TMEM117: variants seen among roughly 807,000 people sequenced by gnomAD.
The protein encoded by TMEM117 is transmembrane protein 117.
A neutral mutation model predicts 52.4 loss-of-function variants in TMEM117; 27 were observed. The observed-to-expected ratio is 0.51, with a 90% CI of 0.38 to 0.71. TMEM117 has a LOEUF of 0.71. Among genes scored for constraint, TMEM117 ranks in the 30% least tolerant of loss-of-function variants. The probability of loss-of-function intolerance (pLI) is 0.00; values close to 1 mark genes in which losing one functional copy is unlikely to be tolerated. For missense variants in TMEM117, 556 were observed against 630.5 expected, an observed-to-expected ratio of 0.88 and a Z score of 1.26; for synonymous variants, 215 against 206.3, an observed-to-expected ratio of 1.04 and a Z score of -0.36.
At chr12:44,357,722 G>C (rs1322371656) in intron 6 of TMEM117, among the ~76,000 whole-genome samples, 1 of 152,106 alleles carries the variant, frequency 6.6e-6, no homozygotes, top group Non-Finnish European at 1.5e-5. Context: ...CTGTTGGTAG[G>C]AATGCAAATG....
chr12:43,862,080 C>T (rs564185117), intron 2 of TMEM117, among the ~76,000 whole-genome samples: 59 of 152,294 alleles, frequency 3.9e-4, no homozygotes, highest in African/African-American at 1.3e-3. Flanking sequence ...ACAGTTGCTT[C>T]GCTGTCTGCT....
intron 4 of TMEM117, among the ~76,000 whole-genome samples, chr12:44,209,321 C>T (rs1339911947): frequency 6.6e-6 from 1 of 151,988 alleles, no homozygotes; most frequent in Admixed American, 6.6e-5. Flanking sequence ...TCCCCTTACT[C>T]CTTTTGATAA....
At chr12:43,919,949 G>T (rs543388247) in intron 2 of TMEM117, among the ~76,000 whole-genome samples, 43 of 151,676 alleles carry the variant, frequency 2.8e-4, no homozygotes, top group African/African-American at 9.0e-4. Context: ...TATATCTCTA[G>T]GTCCAGCATC....
the TMEM117 span, among the ~76,000 whole-genome samples, chr12:43,808,814 A>G: frequency 1.2e-4 from 4 of 33,082 alleles, no homozygotes; most frequent in East Asian, 4.4e-3. Context: ...AAAGGGGAGA[A>G]AAAAAAAAAA....
intron 2 of TMEM117, among the ~76,000 whole-genome samples, chr12:43,934,354 A>G (rs1204302049): frequency 6.6e-6 from 1 of 152,168 alleles, no homozygotes; most frequent in Non-Finnish European, 1.5e-5. Context: ...AAACTTGAGG[A>G]TAGTTTAATG....
chr12:44,102,339 T>C (rs1329699144), intron 3 of TMEM117, among the ~76,000 whole-genome samples: 1 of 151,970 alleles, frequency 6.6e-6, no homozygotes, highest in Admixed American at 6.6e-5. Context: ...TAAAAAGATA[T>C]ATTTTCTTCT....
chr12:44,293,763 C>T (rs1056111134), intron 5 of TMEM117, among the ~76,000 whole-genome samples: 1 of 152,130 alleles, frequency 6.6e-6, no homozygotes, highest in Non-Finnish European at 1.5e-5. Flanking sequence ...ATATCTTTAA[C>T]AAACTAGTGT....
At chr12:44,316,772 ATTAAAATTTTTTTTCT>A (rs2138687035) in intron 6 of TMEM117, among the ~76,000 whole-genome samples, 1 of 152,158 alleles carries the variant, frequency 6.6e-6, no homozygotes, top group East Asian at 1.9e-4. Flanking sequence ...GACTTTGTTC[ATTAAAATTTTTTTTCT>A]TTATTTTAGT....
At chr12:43,824,048 T>C in the TMEM117 span, among the ~76,000 whole-genome samples, 2 of 152,226 alleles carry the variant, frequency 1.3e-5, no homozygotes, top group Non-Finnish European at 2.9e-5. Context: ...TAAAAAATAA[T>C]TAATTAGCTA....
intron 5 of TMEM117, among the ~76,000 whole-genome samples, chr12:44,262,122 G>A (rs997915628): frequency 1.3e-5 from 2 of 152,172 alleles, no homozygotes; most frequent in South Asian, 2.1e-4. Context: ...CAAAAAGTAA[G>A]TCCTGCCTTT....
intron 5 of TMEM117, among the ~76,000 whole-genome samples, chr12:44,293,330 C>T (rs1166209790): frequency 1.3e-5 from 2 of 151,954 alleles, no homozygotes; most frequent in African/African-American, 4.8e-5. Flanking sequence ...AAATGATTCT[C>T]TTATAGGCAG....
At chr12:43,843,541 A>G (rs933102837) in intron 1 of TMEM117, among the ~76,000 whole-genome samples, 6 of 152,212 alleles carry the variant, frequency 3.9e-5, no homozygotes, top group Non-Finnish European at 8.8e-5. Context: ...ATGTACTTCC[A>G]GTGCACATAT....
At chr12:43,910,705 A>T (rs1484098333) in intron 2 of TMEM117, among the ~76,000 whole-genome samples, 3 of 124,476 alleles carry the variant, frequency 2.4e-5, no homozygotes, top group African/African-American at 9.1e-5. Flanking sequence ...CCAACAACAG[A>T]CAAACAGAGA....
At chr12:43,811,352 A>C in the TMEM117 span, among the ~76,000 whole-genome samples, 1 of 152,200 alleles carries the variant, frequency 6.6e-6, no homozygotes. Context: ...GAGGCTATCT[A>C]AATGATGAAA....
At chr12:44,212,420 T>C (rs1227586343) in intron 5 of TMEM117, among the ~76,000 whole-genome samples, 2 of 152,212 alleles carry the variant, frequency 1.3e-5, no homozygotes, top group Non-Finnish European at 2.9e-5. Context: ...AGAGTATTGA[T>C]GCTGGCAATT....
intron 3 of TMEM117, among the ~76,000 whole-genome samples, chr12:43,950,763 C>A (rs1221392989): frequency 1.3e-5 from 2 of 152,076 alleles, no homozygotes; most frequent in Non-Finnish European, 2.9e-5. Context: ...AGTATTTTGG[C>A]TTTGTTTTAG....
At chr12:43,955,805 A>C (rs1357282148) in intron 3 of TMEM117, among the ~76,000 whole-genome samples, 1 of 152,208 alleles carries the variant, frequency 6.6e-6, no homozygotes, top group Non-Finnish European at 1.5e-5. Flanking sequence ...ATTCATATGG[A>C]ACCAAAAAAG....
chr12:44,344,480 G>C (rs753899011), intron 6 of TMEM117, among the ~76,000 whole-genome samples: 1 of 151,984 alleles, frequency 6.6e-6, no homozygotes. Flanking sequence ...CATGTACCTG[G>C]TCCAGTTGGC....
chr12:44,294,326 CTG>C (rs1264339349), intron 5 of TMEM117, among the ~76,000 whole-genome samples: 1 of 152,198 alleles, frequency 6.6e-6, no homozygotes, highest in Non-Finnish European at 1.5e-5. Flanking sequence ...ATGCCTGAAA[CTG>C]TGGATAGTAC....
Sources: gnomAD v4.1 joint callset for allele counts (sites outside exome capture counted in the v4.1 genomes callset) on GRCh38, gnomAD v4.1.1 for gene constraint, MANE v1.5 for transcripts, NCBI Gene and HGNC (gene_info 2026-07-23, HGNC 2026-07-21) for gene names.